The following MAD1L1 variants were observed in gnomAD, a reference collection of about 807,000 sequenced individuals.
MAD1L1 encodes mitotic spindle assembly checkpoint protein MAD1.
Under a neutral mutation model 96.9 loss-of-function variants are expected in MAD1L1, and 95 were observed. The observed-to-expected ratio is 0.98, with a 90% CI of 0.83 to 1.16. The LOEUF (loss-of-function observed/expected upper bound fraction) is 1.16. MAD1L1 is among the 50% of genes most tolerant of loss of function. The probability of loss-of-function intolerance (pLI) is 0.00; values close to 1 mark genes in which losing one functional copy is unlikely to be tolerated. For missense variants in MAD1L1, 1,007 were observed against 954.4 expected (o/e 1.06, Z -0.73); for synonymous variants, 473 against 396.6 (o/e 1.19, Z -2.29).
intron 17 of MAD1L1, among the ~76,000 whole-genome samples, chr7:1,927,427 G>A (rs1415457770): frequency 6.6e-6 from 1 of 152,182 alleles, no homozygotes; most frequent in Non-Finnish European, 1.5e-5. Context: ...CTGATTTCGA[G>A]ACTTACTACG....
chr7:2,128,776 T>G (rs1375267279), intron 11 of MAD1L1, among the ~76,000 whole-genome samples: 1 of 152,042 alleles, frequency 6.6e-6, no homozygotes, highest in East Asian at 1.9e-4. Context: ...GGACCTGCCC[T>G]CAGAAGGTTC....
At chr7:2,179,134 G>A (rs955818905) in intron 10 of MAD1L1, among the ~76,000 whole-genome samples, 3 of 152,182 alleles carry the variant, frequency 2.0e-5, no homozygotes, top group African/African-American at 7.2e-5. Context: ...ATCCGGGAAC[G>A]TTTGGTCAAG....
At chr7:2,016,886 A>C (rs1328361721) in intron 12 of MAD1L1, among the ~76,000 whole-genome samples, 1 of 152,232 alleles carries the variant, frequency 6.6e-6, no homozygotes, top group African/African-American at 2.4e-5. Flanking sequence ...ATATCTTCCC[A>C]TTGACTTTTA....
intron 10 of MAD1L1, among the ~76,000 whole-genome samples, chr7:2,163,386 TTTTTTGA>T (rs967595402): frequency 3.9e-5 from 6 of 152,118 alleles, no homozygotes; most frequent in African/African-American, 1.4e-4. Context: ...TTGTTTTTTG[TTTTTTGA>T]GACAGAGTCT....
At chr7:1,943,069 C>T (rs60062050) in intron 16 of MAD1L1, among the ~76,000 whole-genome samples, 8 of 152,210 alleles carry the variant, frequency 5.3e-5, no homozygotes, top group African/African-American at 1.2e-4. Context: ...AATGGGCTGG[C>T]GCATGCCAAA....
intron 10 of MAD1L1, among the ~76,000 whole-genome samples, chr7:2,179,439 A>C (rs1639905): frequency 0.039 from 5,841 of 151,060 alleles, 269 homozygotes; most frequent in African/African-American, 0.11. Context: ...GAGGCAGGAG[A>C]ATCACTTGAA....
At chr7:2,092,557 C>T (rs994676411) in intron 11 of MAD1L1, among the ~76,000 whole-genome samples, 41 of 151,838 alleles carry the variant, frequency 2.7e-4, no homozygotes, top group African/African-American at 8.9e-4. Flanking sequence ...ATGCCCCGCC[C>T]GAGCATCCTC....
At chr7:2,192,838 T>A (rs983909582) in intron 10 of MAD1L1, among the ~76,000 whole-genome samples, 7 of 152,202 alleles carry the variant, frequency 4.6e-5, no homozygotes, top group African/African-American at 1.7e-4. Flanking sequence ...TTCCATTTCA[T>A]GGGATAATCA....
At chr7:1,819,372 C>A (rs1181979522) in intron 18 of MAD1L1, among the ~76,000 whole-genome samples, 1 of 152,124 alleles carries the variant, frequency 6.6e-6, no homozygotes, top group Non-Finnish European at 1.5e-5. Context: ...TGGCGGGCGC[C>A]CTGGGGGAGA....
At chr7:2,122,175 C>T (rs1317660453) in intron 11 of MAD1L1, among the ~76,000 whole-genome samples, 4 of 152,326 alleles carry the variant, frequency 2.6e-5, no homozygotes, top group South Asian at 2.1e-4. Flanking sequence ...GTGGCCACCC[C>T]GCATGTGGCC....
chr7:2,021,176 G>C (rs1288023799), intron 12 of MAD1L1, among the ~76,000 whole-genome samples: 1 of 152,176 alleles, frequency 6.6e-6, no homozygotes, highest in Non-Finnish European at 1.5e-5. Context: ...CCGTGATAAT[G>C]GCCGAGATTT....
At chr7:1,899,940 T>C (rs1296018440) in intron 17 of MAD1L1, among the ~76,000 whole-genome samples, 5 of 152,228 alleles carry the variant, frequency 3.3e-5, no homozygotes, top group African/African-American at 1.2e-4. Flanking sequence ...AGCTCGGCTC[T>C]GCCTCCCTGA....
At chr7:2,063,355 C>T (rs1266871985) in intron 12 of MAD1L1, among the ~76,000 whole-genome samples, 1 of 152,212 alleles carries the variant, frequency 6.6e-6, no homozygotes, top group African/African-American at 2.4e-5. Flanking sequence ...AGGACTTAAA[C>T]AGACACCATC....
intron 14 of MAD1L1, among the ~76,000 whole-genome samples, chr7:1,983,141 C>CAT (rs1780992288): frequency 3.7e-4 from 6 of 16,372 alleles, no homozygotes; most frequent in Admixed American, 2.9e-3. Flanking sequence ...GACGCGCGCG[C>CAT]GCGCGCGCGC....
intron 17 of MAD1L1, among the ~76,000 whole-genome samples, chr7:1,929,400 C>T (rs1206653964): frequency 2.0e-5 from 3 of 152,198 alleles, no homozygotes; most frequent in South Asian, 2.1e-4. Context: ...CCAGCCTGGA[C>T]GTGGCAGGGG....
intron 13 of MAD1L1, among the ~76,000 whole-genome samples, chr7:2,013,918 C>T (rs1323978982): frequency 6.6e-6 from 1 of 152,208 alleles, no homozygotes; most frequent in Non-Finnish European, 1.5e-5. Flanking sequence ...GTCACGGTGG[C>T]CCATGGGGCA....
chr7:2,006,743 G>A (rs1050458782), intron 13 of MAD1L1, among the ~76,000 whole-genome samples: 2 of 152,074 alleles, frequency 1.3e-5, no homozygotes, highest in Admixed American at 6.5e-5. Flanking sequence ...GGGGTCCCGA[G>A]AGACCCAAGA....
intron 17 of MAD1L1, among the ~76,000 whole-genome samples, chr7:1,903,341 G>A (rs897592615): frequency 6.6e-6 from 1 of 150,932 alleles, no homozygotes; most frequent in African/African-American, 2.4e-5. Flanking sequence ...AGACACTCTT[G>A]CGGAACTCAT....
chr7:2,060,259 C>T (rs556746371), intron 12 of MAD1L1, among the ~76,000 whole-genome samples: 167 of 141,262 alleles, frequency 1.2e-3, no homozygotes, highest in African/African-American at 4.0e-3. Flanking sequence ...ACGCCGATGC[C>T]GAGATACGCC....
Sources: gnomAD v4.1 joint callset for allele counts (sites outside exome capture counted in the v4.1 genomes callset) on GRCh38, gnomAD v4.1.1 for gene constraint, MANE v1.5 for transcripts, NCBI Gene and HGNC (gene_info 2026-07-23, HGNC 2026-07-21) for gene names.